Variants in TBCK observed in about 807,000 individuals in gnomAD.
The protein encoded by TBCK is TBC1 domain containing kinase.
TBCK carries 99 observed loss-of-function variants against 113.4 expected under a neutral mutation model. That is an observed-to-expected ratio of 0.87 (90% CI 0.74 to 1.03). TBCK has a LOEUF of 1.03. Ranked by LOEUF, TBCK falls within the 50% of genes least tolerant of loss-of-function variation. The probability of loss-of-function intolerance (pLI) is 0.00; values close to 1 mark genes in which losing one functional copy is unlikely to be tolerated. For missense variants in TBCK, 1,045 were observed against 1,061.3 expected, an observed-to-expected ratio of 0.98 and a Z score of 0.21; for synonymous variants, 369 against 370.8, an observed-to-expected ratio of 1.00 and a Z score of 0.05.
chr4:106,078,154 C>G (rs1211407964), intron 25 of TBCK, among the ~76,000 whole-genome samples: 4 of 152,120 alleles, frequency 2.6e-5, no homozygotes, highest in Non-Finnish European at 5.9e-5. Flanking sequence ...GAGGAAGATT[C>G]ATAGCACTAA....
chr4:106,213,867 C>T (rs1211281416), intron 19 of TBCK: 2 of 154,282 alleles, frequency 1.3e-5, no homozygotes, highest in African/African-American at 4.8e-5. Context: ...GAGCCTACCA[C>T]AGCTCAAGGA....
intron 25 of TBCK, among the ~76,000 whole-genome samples, chr4:106,072,965 C>A (rs1010165378): frequency 6.6e-6 from 1 of 152,154 alleles, no homozygotes; most frequent in Non-Finnish European, 1.5e-5. Flanking sequence ...TTAAGGTCTT[C>A]TCTACACTGT....
chr4:106,197,178 G>C (rs1243814239), intron 20 of TBCK, among the ~76,000 whole-genome samples: 1 of 152,046 alleles, frequency 6.6e-6, no homozygotes, highest in Non-Finnish European at 1.5e-5. Context: ...AGAGCTTGGT[G>C]GTTGTCCTAA....
chr4:106,258,022 T>C (rs1414539227), intron 5 of TBCK, among the ~76,000 whole-genome samples: 2 of 152,076 alleles, frequency 1.3e-5, no homozygotes, highest in African/African-American at 4.8e-5. Context: ...AATTGTTATA[T>C]CAAAAACTTC....
intron 3 of TBCK, among the ~76,000 whole-genome samples, chr4:106,285,415 G>A (rs955687316): frequency 4.0e-5 from 6 of 151,846 alleles, no homozygotes; most frequent in Admixed American, 2.0e-4. Context: ...CATAGTAGTA[G>A]CAAATTACTA....
At chr4:106,096,892 A>G (rs1186928401) in intron 24 of TBCK, among the ~76,000 whole-genome samples, 1 of 152,166 alleles carries the variant, frequency 6.6e-6, no homozygotes, top group Admixed American at 6.5e-5. Context: ...AAATTAGAAG[A>G]CCCTGACTCT....
intron 19 of TBCK, among the ~76,000 whole-genome samples, chr4:106,216,323 A>C (rs1468935419): frequency 6.6e-6 from 1 of 151,972 alleles, no homozygotes; most frequent in Non-Finnish European, 1.5e-5. Context: ...AAGCAAGAGC[A>C]AACACATTCA....
At chr4:106,195,206 T>C (rs1270239962) in intron 20 of TBCK, among the ~76,000 whole-genome samples, 2 of 152,100 alleles carry the variant, frequency 1.3e-5, no homozygotes, top group Admixed American at 6.6e-5. Flanking sequence ...GGTTTTTCTT[T>C]TAACATAGGT....
At chr4:106,168,533 G>A (rs1004110872) in intron 23 of TBCK, among the ~76,000 whole-genome samples, 1 of 151,800 alleles carries the variant, frequency 6.6e-6, no homozygotes, top group Non-Finnish European at 1.5e-5. Context: ...GTACTAATTG[G>A]CAAGGAAGAA....
At chr4:106,287,383 GT>G (rs1765222035) in intron 3 of TBCK, among the ~76,000 whole-genome samples, 1 of 152,156 alleles carries the variant, frequency 6.6e-6, no homozygotes, top group Non-Finnish European at 1.5e-5. Context: ...TTGTAGGAGT[GT>G]TTTTTCAAAA....
At chr4:106,262,349 T>C (rs1455516314) in intron 3 of TBCK, 137 bp from the exon 4 acceptor site, 2 of 505,202 alleles carry the variant, frequency 4.0e-6, no homozygotes, top group Non-Finnish European at 7.0e-6. Context: ...GAAAATAGAA[T>C]CTATATATTT....
intron 25 of TBCK, among the ~76,000 whole-genome samples, chr4:106,067,433 A>C (rs1736778160): frequency 6.6e-6 from 1 of 152,022 alleles, no homozygotes; most frequent in Admixed American, 6.6e-5. Context: ...ATGATTTACA[A>C]ATATTTTCTC....
chr4:106,298,639 G>A (rs910104381), intron 2 of TBCK, among the ~76,000 whole-genome samples: 3 of 151,876 alleles, frequency 2.0e-5, no homozygotes, highest in Non-Finnish European at 1.5e-5. Flanking sequence ...AAGACGAAAA[G>A]TGCTTCCTTC....
At chr4:106,254,548 T>C (rs1489707221) in intron 5 of TBCK, among the ~76,000 whole-genome samples, 10 of 152,254 alleles carry the variant, frequency 6.6e-5, no homozygotes, top group Non-Finnish European at 1.5e-4. Context: ...TATCTTTCAG[T>C]TGAATTAAAC....
intron 25 of TBCK, among the ~76,000 whole-genome samples, chr4:106,047,772 T>C (rs564896083): frequency 6.6e-6 from 1 of 152,268 alleles, no homozygotes; most frequent in East Asian, 1.9e-4. Context: ...CCATAAAACC[T>C]AGGGCAAAAT....
intron 25 of TBCK, among the ~76,000 whole-genome samples, chr4:106,065,608 C>T (rs932533737): frequency 2.0e-5 from 3 of 151,970 alleles, no homozygotes; most frequent in Non-Finnish European, 4.4e-5. Flanking sequence ...AACGGGTCTA[C>T]CCTGTGAACA....
intron 19 of TBCK, among the ~76,000 whole-genome samples, chr4:106,229,317 C>A (rs1201481819): frequency 6.6e-6 from 1 of 151,888 alleles, no homozygotes; most frequent in Non-Finnish European, 1.5e-5. Context: ...GACATCTTTG[C>A]CTGGACCAAC....
chr4:106,210,676 A>G (rs1756024519), intron 20 of TBCK, among the ~76,000 whole-genome samples: 1 of 152,164 alleles, frequency 6.6e-6, no homozygotes. Flanking sequence ...GGATTTATAT[A>G]TATTTAAGTA....
At chr4:106,271,117 A>T (rs1382773012) in intron 3 of TBCK, among the ~76,000 whole-genome samples, 1 of 152,122 alleles carries the variant, frequency 6.6e-6, no homozygotes, top group Non-Finnish European at 1.5e-5. Flanking sequence ...CTTTTCCCTA[A>T]ACCAGATCAC....
Sources: gnomAD v4.1 joint callset for allele counts (sites outside exome capture counted in the v4.1 genomes callset) on GRCh38, gnomAD v4.1.1 for gene constraint, MANE v1.5 for transcripts, NCBI Gene and HGNC (gene_info 2026-07-23, HGNC 2026-07-21) for gene names.